The following MYO3B variants were observed in gnomAD, a reference collection of about 807,000 sequenced individuals.
The protein encoded by MYO3B is myosin-IIIb.
MYO3B carries 156 observed loss-of-function variants against 174.6 expected under a neutral mutation model. The observed-to-expected ratio is 0.89, with a 90% CI of 0.78 to 1.02. The LOEUF (loss-of-function observed/expected upper bound fraction) is 1.02, where lower values mean the gene tolerates loss of function less well. Among genes scored for constraint, MYO3B ranks in the 50% least tolerant of loss-of-function variants. The probability of loss-of-function intolerance (pLI) is 0.00; values close to 1 mark genes in which losing one functional copy is unlikely to be tolerated. For missense variants in MYO3B, 1,632 were observed against 1,639.4 expected (o/e 1.00, Z 0.08); for synonymous variants, 563 against 569.1 (o/e 0.99, Z 0.15).
At chr2:170,386,610 T>A (rs1345238371) in intron 13 of MYO3B, among the ~76,000 whole-genome samples, 1 of 152,152 alleles carries the variant, frequency 6.6e-6, no homozygotes, top group Non-Finnish European at 1.5e-5. Flanking sequence ...ATTAAAAGGA[T>A]GTAAAATAGA....
chr2:170,354,440 A>G (rs2094103992), intron 8 of MYO3B, among the ~76,000 whole-genome samples: 1 of 152,220 alleles, frequency 6.6e-6, no homozygotes, highest in Non-Finnish European at 1.5e-5. Context: ...TCAGTGAATT[A>G]ACAGTGGCTT....
chr2:170,315,319 T>C (rs1260885508), intron 7 of MYO3B, among the ~76,000 whole-genome samples: 1 of 2,114 alleles, frequency 4.7e-4, no homozygotes, highest in African/African-American at 5.0e-4. Context: ...TTATAATTCT[T>C]TTTTTTTTTT....
chr2:170,490,072 A>G (rs893537236), intron 25 of MYO3B, among the ~76,000 whole-genome samples: 2 of 140,840 alleles, frequency 1.4e-5, no homozygotes, highest in Admixed American at 1.5e-4. Flanking sequence ...ACTGTTGCCC[A>G]GGCTGGAGTG....
intron 8 of MYO3B, among the ~76,000 whole-genome samples, chr2:170,364,524 G>C (rs889905120): frequency 1.3e-5 from 2 of 152,142 alleles, no homozygotes; most frequent in African/African-American, 4.8e-5. Context: ...TGTAAAAACT[G>C]CTCAGTCCCT....
rs116631684 is a variant in MYO3B at position 170,290,690 on chromosome 2, G to A, written c.750-44695G>A. On this transcript the variant is annotated intron_variant, in intron 7 of 34. Coordinates refer to ENST00000408978, the MANE Select transcript of MYO3B (RefSeq NM_138995.5). ...ACTTTTTACGTTCAGTGTTATTATT[G>A]ATAAGTAAAGACTTATTATTGCCAT... Among the ~76,000 whole-genome samples the A allele has an allele frequency of 8.9e-3, 1,355 of 152,144 alleles. 21 individuals carry two copies. Among genetic ancestry groups the A allele is most frequent in the African/African-American group, 0.031 (1,275 of 41,500 alleles).
At chr2:170,629,789 G>A (rs2105375043) in intron 32 of MYO3B, among the ~76,000 whole-genome samples, 1 of 152,332 alleles carries the variant, frequency 6.6e-6, no homozygotes, top group South Asian at 2.1e-4. Flanking sequence ...GGCAGACATT[G>A]CAGTTAGCCA....
intron 32 of MYO3B, among the ~76,000 whole-genome samples, chr2:170,579,159 A>G (rs1692975336): frequency 6.6e-6 from 1 of 152,202 alleles, no homozygotes; most frequent in Non-Finnish European, 1.5e-5. Context: ...CATCAAATGT[A>G]AAGATTTGCA....
chr2:170,305,817 G>T (rs1480630419), intron 7 of MYO3B, among the ~76,000 whole-genome samples: 1 of 152,032 alleles, frequency 6.6e-6, no homozygotes, highest in Non-Finnish European at 1.5e-5. Context: ...CAAACTCCTG[G>T]GCTCAAGTGA....
At chr2:170,499,913 T>TTCTCCCCTCCCTCCCTCCCTCCCTC (rs1357098267) in intron 27 of MYO3B, 105 bp downstream of exon 27, 2 of 886,066 alleles carry the variant, frequency 2.3e-6, no homozygotes, top group African/African-American at 1.7e-5. Context: ...CTCCCTCCCT[T>TTCTCCCCTCCCTCCCTCCCTCCCTC]CCTTCTCCCC....
In MYO3B at chr2:170,407,790, A is replaced by G. The variant is rs2094520178; in HGVS notation, c.2596A>G (p.Thr866Ala). Residue 866 changes from threonine (T) to alanine (A), a missense_variant, in exon 22 of 35, where the codon ACG (threonine) becomes GCG (alanine). Transcript: ENST00000408978. ...LPADVVVVLRTSENKLLQQLF... is the reference protein window; with the variant it reads ...LPADVVVVLRASENKLLQQLF... The stretch of plus-strand genomic sequence containing the variant: ...TGCCGATGTGGTTGTGGTCCTGAGA[A>G]CGTCAGAAAACAAGCTTCTTCAGCA... 1 of 1,613,982 alleles carries G rather than the reference A, an allele frequency of 6.2e-7. No individual in the cohort carries two copies. The highest frequency in any genetic ancestry group is 1.3e-5 in the African/African-American group (1 of 74,904).
intron 32 of MYO3B, among the ~76,000 whole-genome samples, chr2:170,590,752 G>A (rs1693771658): frequency 5.9e-5 from 9 of 152,116 alleles, no homozygotes; most frequent in Admixed American, 5.2e-4. Context: ...ACCCAAAAGG[G>A]GAGAGTCGGT....
chr2:170,437,201 C>G (rs1246414263), intron 22 of MYO3B, among the ~76,000 whole-genome samples: 1 of 151,312 alleles, frequency 6.6e-6, no homozygotes, highest in Non-Finnish European at 1.5e-5. Flanking sequence ...TGCTGTCTCC[C>G]ACTCCCTACC....
Position 170,402,985 on chromosome 2 carries a change from C to G in MYO3B, c.2267C>G (p.Ala756Gly), listed in dbSNP as rs770411079. 5 of 1,600,190 alleles carry G rather than the reference C, an allele frequency of 3.1e-6. No individual in the cohort carries two copies. The change falls in exon 19 of 35, where the codon GCT becomes GGT. Residue 756 changes from alanine to glycine, a missense_variant. By Grantham distance (60) the Ala-to-Gly change is moderately conservative. Coordinates refer to ENST00000408978, the MANE Select transcript of MYO3B (RefSeq NM_138995.5). ...TACTATTTCAATCAGCATGTTTTTG[C>G]TCTTGAGCAGGTAATAGTGAACTCT... ...IQYYFNQHVF[A>G]LEQMEYQNEG...
intron 7 of MYO3B, among the ~76,000 whole-genome samples, chr2:170,323,250 T>G (rs1197674487): frequency 6.6e-6 from 1 of 152,218 alleles, no homozygotes; most frequent in Non-Finnish European, 1.5e-5. Context: ...AGAAAACACG[T>G]AAAACTCAAC....
chr2:170,187,507 G>A (rs568874789), intron 1 of MYO3B, among the ~76,000 whole-genome samples: 1 of 152,146 alleles, frequency 6.6e-6, no homozygotes. Flanking sequence ...GGGATTACAG[G>A]TGTGAGCCAC....
chr2:170,598,181 G>A (rs548613344), intron 32 of MYO3B, among the ~76,000 whole-genome samples: 1 of 152,306 alleles, frequency 6.6e-6, no homozygotes, highest in East Asian at 1.9e-4. Context: ...GAAGACATTA[G>A]CAATGAATCA....
chr2:170,287,727 A>T (rs1225663862), intron 7 of MYO3B, among the ~76,000 whole-genome samples: 2 of 151,944 alleles, frequency 1.3e-5, no homozygotes, highest in African/African-American at 4.8e-5. Context: ...TTAGCTTGAT[A>T]TAATCCCATT....
At chr2:170,642,194 A>C (rs1286914723) in intron 32 of MYO3B, among the ~76,000 whole-genome samples, 3 of 143,748 alleles carry the variant, frequency 2.1e-5, no homozygotes, top group Non-Finnish European at 4.4e-5. Context: ...TCACTCATTC[A>C]CTCATTCATT....
chr2:170,387,818 C>A (rs956557791), intron 14 of MYO3B, among the ~76,000 whole-genome samples: 5 of 152,144 alleles, frequency 3.3e-5, no homozygotes, highest in African/African-American at 1.2e-4. Context: ...CTAACCTTCT[C>A]TGTGCCTCAT....
Sources: allele counts gnomAD v4.1 joint callset (sites outside exome capture counted in the v4.1 genomes callset), GRCh38; gene constraint gnomAD v4.1.1; transcripts MANE v1.5; gene names NCBI Gene and HGNC (gene_info 2026-07-23, HGNC 2026-07-21).